PIGF: variants seen among roughly 807,000 people sequenced by gnomAD.
PIGF encodes phosphatidylinositol glycan anchor biosynthesis class F.
Under a neutral mutation model 26.0 loss-of-function variants are expected in PIGF, and 23 were observed. That is an observed-to-expected ratio of 0.88 (90% CI 0.64 to 1.25). The LOEUF is 1.25. Among genes scored for constraint, PIGF ranks in the 50% most tolerant of loss-of-function variants. The probability of loss-of-function intolerance (pLI) is 0.00; values close to 1 mark genes in which losing one functional copy is unlikely to be tolerated. For missense variants in PIGF, 278 were observed against 249.9 expected (o/e 1.11, Z -0.76); for synonymous variants, 93 against 92.6 (o/e 1.00, Z -0.03).
intron 4 of PIGF, among the ~76,000 whole-genome samples, chr2:46,592,950 C>A (rs1038794133): frequency 1.3e-5 from 2 of 152,120 alleles, no homozygotes; most frequent in Non-Finnish European, 2.9e-5. Context: ...CACAAATACA[C>A]ACATAATTTT....
chr2:46,616,885 C>A, intron 1 of PIGF, 85 bp downstream of exon 1: 1 of 330,532 alleles, frequency 3.0e-6, no homozygotes, highest in Non-Finnish European at 5.7e-6. Context: ...GGTCGGGGCG[C>A]CAAGGCTCAG....
At chr2:46,581,669 C>G in intron 5 of PIGF, 78 bp from the exon 6 acceptor site, 2 of 1,520,570 alleles carry the variant, frequency 1.3e-6, no homozygotes, top group Non-Finnish European at 1.8e-6. Flanking sequence ...CTAAATATTT[C>G]TATATTAAAG....
At chr2:46,613,521 A>C (rs1255547692) in intron 3 of PIGF, among the ~76,000 whole-genome samples, 173 bp downstream of exon 3, 2 of 152,184 alleles carry the variant, frequency 1.3e-5, no homozygotes, top group African/African-American at 4.8e-5. Context: ...TAATAAATTA[A>C]GTTATTCTGC....
At chr2:46,607,069 G>A (rs990762249) in intron 4 of PIGF, among the ~76,000 whole-genome samples, 1 of 152,186 alleles carries the variant, frequency 6.6e-6, no homozygotes, top group Non-Finnish European at 1.5e-5. Flanking sequence ...GAGACAGTAA[G>A]TAGATTGGTG....
chr2:46,592,131 C>T (rs951462034), intron 5 of PIGF, among the ~76,000 whole-genome samples: 16 of 152,022 alleles, frequency 1.1e-4, no homozygotes, highest in East Asian at 3.9e-4. Context: ...GCAGGAAGAT[C>T]GTTTAGGCCC....
In PIGF at chr2:46,614,931, C is replaced by T. The variant is rs372213956; in HGVS notation, c.228+6G>A. 6.9e-6 allele frequency: 9 copies of T among 1,297,458 alleles called. No individual in the cohort carries two copies. The highest frequency in any genetic ancestry group is 5.8e-5 in the African/African-American group (4 of 68,912). The allele number at this position is 1,297,458 out of a possible 1,614,324, so 80.4% of individuals were successfully genotyped here. On this transcript the variant is annotated splice_donor_region_variant and intron_variant, in intron 2 of 5. Coordinates refer to ENST00000281382, the MANE Select transcript of PIGF (RefSeq NM_002643.4). ...CAAAAATCAGTTATTGAGACATAAG[C>T]CTTACCTTGTGTGATAATGAACTTC...
In PIGF at chr2:46,581,594, G is replaced by C. The variant is rs1391317747; in HGVS notation, c.547-3C>G. 1.2e-6 allele frequency: 2 copies of C among 1,610,762 alleles called. No individual in the cohort carries two copies. The highest frequency in any genetic ancestry group is 1.7e-6 in the Non-Finnish European group (2 of 1,179,156). ...AGCGTACAGGAGATGGGCCATACCT[G>C]AGGAGAGAATGTATGAGATCAAAAA... On this transcript the variant is annotated splice_region_variant and splice_polypyrimidine_tract_variant and intron_variant, in intron 5 of 5. Coordinates refer to ENST00000281382, the MANE Select transcript of PIGF (RefSeq NM_002643.4).
At chr2:46,585,159 G>C (rs569031107) in intron 5 of PIGF, among the ~76,000 whole-genome samples, 2 of 152,268 alleles carry the variant, frequency 1.3e-5, no homozygotes, top group South Asian at 4.1e-4. Flanking sequence ...GGTAATCTGA[G>C]ATGGCTTTAT....
chr2:46,608,284 A>G (rs1670287176), intron 4 of PIGF, among the ~76,000 whole-genome samples: 2 of 152,218 alleles, frequency 1.3e-5, no homozygotes, highest in South Asian at 4.1e-4. Flanking sequence ...ATCCAGAAGT[A>G]ATTCCTCATC....
chr2:46,604,346 A>G (rs4377377), intron 4 of PIGF, among the ~76,000 whole-genome samples: 25,387 of 151,992 alleles, frequency 0.17, 3,426 homozygotes, highest in African/African-American at 0.37. Context: ...CAGCAATCAC[A>G]TTGCTAGGTA....
chr2:46,593,108 G>T (rs1000508122), intron 4 of PIGF, among the ~76,000 whole-genome samples: 16 of 150,530 alleles, frequency 1.1e-4, no homozygotes, highest in South Asian at 2.1e-4. Flanking sequence ...TGTATGGATG[G>T]TGCATCATTT....
At chr2:46,591,173 C>G (rs1572769917) in intron 5 of PIGF, among the ~76,000 whole-genome samples, 3 of 151,980 alleles carry the variant, frequency 2.0e-5, no homozygotes, top group African/African-American at 7.3e-5. Context: ...TAATAAAAAA[C>G]TGGTACAATA....
At chr2:46,585,567 T>C (rs1163681231) in intron 5 of PIGF, among the ~76,000 whole-genome samples, 1 of 152,224 alleles carries the variant, frequency 6.6e-6, no homozygotes, top group African/African-American at 2.4e-5. Flanking sequence ...TCTTAAAATT[T>C]GTCATGAAAG....
Position 46,604,626 on chromosome 2 carries a change from G to A in PIGF, c.437+7602C>T, listed in dbSNP as rs181587830. On this transcript the variant is annotated intron_variant, in intron 4 of 5. Coordinates refer to ENST00000281382, the MANE Select transcript of PIGF (RefSeq NM_002643.4). ...AGCCAGGAACAGAAAGGCAAACTTCGCATGTTCTCACTTATTTGTGGTAGT... is the reference window on the plus strand; with the variant it reads ...AGCCAGGAACAGAAAGGCAAACTTCACATGTTCTCACTTATTTGTGGTAGT... Among the ~76,000 whole-genome samples, 753 of 152,036 alleles carry A rather than the reference G, an allele frequency of 5.0e-3. 2 individuals are homozygous for A. Among genetic ancestry groups the A allele is most frequent in the South Asian group, 0.01 (49 of 4,824 alleles).
chr2:46,581,222 T>C lies in PIGF; in HGVS notation c.*256A>G. Reference sequence around the variant, plus strand: ...AACAAAACCTGTCCTCAGAATTCTATAAAGTGTATTAAGAATGTTCCTTAA... The same window carrying C: ...AACAAAACCTGTCCTCAGAATTCTACAAAGTGTATTAAGAATGTTCCTTAA... On this transcript the variant is annotated 3_prime_UTR_variant, in exon 6 of 6. Coordinates refer to ENST00000281382, the MANE Select transcript of PIGF (RefSeq NM_002643.4). 2 of 968,022 alleles carry C rather than the reference T, an allele frequency of 2.1e-6. No individual in the cohort carries two copies. Among genetic ancestry groups the C allele is most frequent in the Non-Finnish European group, 3.0e-6 (2 of 669,982 alleles). 60.0% of individuals were successfully genotyped at this position (968,022 alleles called of 1,614,324 possible).
chr2:46,616,880 G>C (rs1288426696), intron 1 of PIGF, 90 bp downstream of exon 1: 1 of 326,690 alleles, frequency 3.1e-6, no homozygotes, highest in Admixed American at 4.8e-5. Context: ...CGGCGGGTCG[G>C]GGCGCCAAGG....
chr2:46,595,089 T>C (rs1413704657), intron 4 of PIGF, among the ~76,000 whole-genome samples: 1 of 152,132 alleles, frequency 6.6e-6, no homozygotes, highest in African/African-American at 2.4e-5. Flanking sequence ...AATAGCTTTA[T>C]TGAGTAGAGT....
intron 4 of PIGF, among the ~76,000 whole-genome samples, chr2:46,607,090 G>A (rs61252474): frequency 0.23 from 35,049 of 152,012 alleles, 4,831 homozygotes; most frequent in African/African-American, 0.39. Flanking sequence ...GTTGCAAAAA[G>A]TCATTGAATT....
intron 5 of PIGF, among the ~76,000 whole-genome samples, chr2:46,587,602 A>G (rs973563659): frequency 5.3e-5 from 8 of 152,222 alleles, no homozygotes; most frequent in Admixed American, 2.6e-4. Flanking sequence ...AAAATACTTT[A>G]TATCAATTTT....
Sources: allele counts gnomAD v4.1 joint callset (sites outside exome capture counted in the v4.1 genomes callset), GRCh38; gene constraint gnomAD v4.1.1; transcripts MANE v1.5; gene names NCBI Gene and HGNC (gene_info 2026-07-23, HGNC 2026-07-21).